The following IMMP2L variants were observed in gnomAD, a reference collection of about 807,000 sequenced individuals.
IMMP2L encodes mitochondrial inner membrane protease subunit 2.
In IMMP2L, 18 loss-of-function variants were observed where a neutral mutation model predicts 19.3. That is an observed-to-expected ratio of 0.93 (90% CI 0.64 to 1.38). The LOEUF is 1.38. Among genes scored for constraint, IMMP2L ranks in the 40% most tolerant of loss-of-function variants. The probability of loss-of-function intolerance (pLI) is 0.00; values close to 1 mark genes in which losing one functional copy is unlikely to be tolerated. For missense variants in IMMP2L, 233 were observed against 218.2 expected, an observed-to-expected ratio of 1.07 and a Z score of -0.43; for synonymous variants, 76 against 73.0, an observed-to-expected ratio of 1.04 and a Z score of -0.21.
At chr7:111,452,752 C>G (rs1046613873) in intron 3 of IMMP2L, among the ~76,000 whole-genome samples, 1 of 152,070 alleles carries the variant, frequency 6.6e-6, no homozygotes, top group African/African-American at 2.4e-5. Flanking sequence ...CTCTCCAATT[C>G]AAAAGCAAAT....
chr7:111,343,152 A>T (rs931960335), intron 3 of IMMP2L, among the ~76,000 whole-genome samples: 2 of 152,088 alleles, frequency 1.3e-5, no homozygotes, highest in African/African-American at 4.8e-5. Flanking sequence ...TTTCCAATCT[A>T]TTATTCACAC....
intron 3 of IMMP2L, among the ~76,000 whole-genome samples, chr7:111,301,726 G>C (rs994005661): frequency 2.0e-5 from 3 of 151,656 alleles, no homozygotes; most frequent in African/African-American, 7.3e-5. Flanking sequence ...TTCCTCCATT[G>C]AACTATTTGG....
intron 3 of IMMP2L, among the ~76,000 whole-genome samples, chr7:111,058,065 CA>C (rs1793676855): frequency 6.6e-6 from 1 of 152,108 alleles, no homozygotes. Context: ...TCCATTTCTG[CA>C]AAAGGCAGAT....
chr7:111,384,098 T>C (rs1046913155), intron 3 of IMMP2L, among the ~76,000 whole-genome samples: 9 of 151,720 alleles, frequency 5.9e-5, no homozygotes, highest in Admixed American at 3.3e-4. Flanking sequence ...GAGCCATAAC[T>C]ATACCAGTGC....
chr7:111,192,686 G>A (rs1054657105), intron 3 of IMMP2L, among the ~76,000 whole-genome samples: 1 of 152,062 alleles, frequency 6.6e-6, no homozygotes, highest in Non-Finnish European at 1.5e-5. Context: ...ACCCAAACAA[G>A]AGCTCTGGAT....
chr7:110,685,869 G>A (rs1793075401), intron 5 of IMMP2L, among the ~76,000 whole-genome samples: 1 of 152,054 alleles, frequency 6.6e-6, no homozygotes, highest in Non-Finnish European at 1.5e-5. Context: ...AAGAAGAATG[G>A]AAGACTTCCA....
rs1791640696 is a variant in IMMP2L, at chr7:111,558,506, C to T, written c.-3+3345G>A. On this transcript the variant is annotated intron_variant, in intron 1 of 5. Transcript: ENST00000405709. ...TTCACAGTAATCATAAGTAATTATC[C>T]CATTTATAGATGAGGAATTTGTGTC... Among the ~76,000 whole-genome samples the T allele has an allele frequency of 8.5e-5, 13 of 152,124 alleles. 1 individual carries two copies.
intron 5 of IMMP2L, among the ~76,000 whole-genome samples, chr7:110,699,331 T>A (rs1794097911): frequency 6.6e-6 from 1 of 152,182 alleles, no homozygotes. Flanking sequence ...ACAAAGAGCC[T>A]ATGATGCCTA....
rs536963842 is a variant in IMMP2L, at chr7:110,950,501, G to T, written c.305+12999C>A. Among the ~76,000 whole-genome samples, 9 of 151,894 alleles carry T rather than the reference G, an allele frequency of 5.9e-5. 1 individual carries two copies. The highest frequency in any genetic ancestry group is 6.8e-3 in the Middle Eastern group (2 of 294). ...GAATGCAAAGTGGTTCAGCTTCTAT[G>T]GAAAACACTATGGAGGTTCTTCAAA... On this transcript the variant is annotated intron_variant, in intron 4 of 5. Coordinates refer to ENST00000405709, the MANE Select transcript of IMMP2L (RefSeq NM_032549.4).
intron 3 of IMMP2L, among the ~76,000 whole-genome samples, chr7:111,046,390 G>A (rs1408688326): frequency 1.3e-5 from 2 of 151,946 alleles, no homozygotes; most frequent in Non-Finnish European, 2.9e-5. Context: ...TCCAGTAGGT[G>A]TCACACAAAA....
chr7:110,853,376 G>A (rs564332758), intron 5 of IMMP2L, among the ~76,000 whole-genome samples: 1 of 151,954 alleles, frequency 6.6e-6, no homozygotes, highest in Non-Finnish European at 1.5e-5. Context: ...TTAATCTCTA[G>A]ATTGTGTGTT....
chr7:111,122,099 C>T (rs1800710503), intron 3 of IMMP2L, among the ~76,000 whole-genome samples: 1 of 151,266 alleles, frequency 6.6e-6, no homozygotes, highest in Non-Finnish European at 1.5e-5. Context: ...GGAGGGATAG[C>T]ATTAGGAGAT....
intron 3 of IMMP2L, among the ~76,000 whole-genome samples, chr7:111,032,928 T>G (rs1448968199): frequency 6.6e-6 from 1 of 152,218 alleles, no homozygotes; most frequent in East Asian, 1.9e-4. Context: ...GAGACTAGCC[T>G]AGCCAACATG....
At chr7:111,420,784 A>C (rs749572351) in intron 3 of IMMP2L, among the ~76,000 whole-genome samples, 4 of 151,558 alleles carry the variant, frequency 2.6e-5, no homozygotes, top group Non-Finnish European at 5.9e-5. Flanking sequence ...TAAGTGCCAC[A>C]TTTTCTTAAT....
intron 4 of IMMP2L, among the ~76,000 whole-genome samples, chr7:110,916,828 T>C (rs980720365): frequency 2.6e-5 from 4 of 152,198 alleles, no homozygotes; most frequent in Admixed American, 2.6e-4. Context: ...TGAAATATTA[T>C]AGTTGGTGAT....
At chr7:111,419,180 G>T (rs6944182) in intron 3 of IMMP2L, among the ~76,000 whole-genome samples, 1,632 of 150,900 alleles carry the variant, frequency 0.011, 77 homozygotes, top group African/African-American at 0.037. Context: ...AATATATGAA[G>T]AATATATTGG....
rs1324155684 is a variant in IMMP2L, at chr7:110,662,779, C to T, written c.*823G>A. On this transcript the variant is annotated 3_prime_UTR_variant, in exon 6 of 6. Transcript: ENST00000405709. ...ATTAGGGGAAGAAAATCAAACGTGG[C>T]TGATCTGGACTGTTTTTTCTTCTAT... is the stretch of plus-strand genomic sequence containing the variant. Among the ~76,000 whole-genome samples, 1 of 152,152 alleles carries T rather than the reference C, an allele frequency of 6.6e-6. No homozygotes were observed. The highest frequency in any genetic ancestry group is 6.5e-5 in the Admixed American group (1 of 15,270).
At chr7:110,941,502 G>A (rs1480219295) in intron 4 of IMMP2L, among the ~76,000 whole-genome samples, 1 of 152,042 alleles carries the variant, frequency 6.6e-6, no homozygotes, top group Non-Finnish European at 1.5e-5. Flanking sequence ...TTATATTAAT[G>A]CATTTAAGCA....
intron 1 of IMMP2L, among the ~76,000 whole-genome samples, chr7:111,551,419 T>C (rs1849440994): frequency 6.6e-6 from 1 of 152,100 alleles, no homozygotes; most frequent in African/African-American, 2.4e-5. Context: ...ATACCTAACG[T>C]ACTATGTATT....
Sources: allele counts gnomAD v4.1 joint callset (sites outside exome capture counted in the v4.1 genomes callset), GRCh38; gene constraint gnomAD v4.1.1; transcripts MANE v1.5; gene names NCBI Gene and HGNC (gene_info 2026-07-23, HGNC 2026-07-21).